Variants in ARMH4 observed in about 807,000 individuals in gnomAD.
ARMH4 encodes the protein armadillo-like helical domain-containing protein 4.
In ARMH4, 49 loss-of-function variants were observed where a neutral mutation model predicts 61.9. That is an observed-to-expected ratio of 0.79 (90% confidence interval 0.63 to 1.00). The LOEUF is 1.00. ARMH4 is among the 50% of genes least tolerant of loss of function. ARMH4 has a pLI of 0.00. For synonymous variants in ARMH4, 368 were observed against 341.5 expected (o/e 1.08, Z -0.85); for missense variants, 934 against 930.0 (o/e 1.00, Z -0.06).
chr14:58,124,862 T>C lies in ARMH4; in HGVS notation c.1831+6650A>G, dbSNP rs1379511906. On this transcript the variant is annotated intron_variant, in intron 4 of 7. Coordinates refer to ENST00000267485, the MANE Select transcript of ARMH4 (RefSeq NM_001001872.4). ...CCTCACTCCAGGAACTAGTGCTCAG[T>C]TGGCAGAACTAATAGCCCTCACTTG... Among the ~76,000 whole-genome samples, 11 of 152,128 alleles carry C rather than the reference T, an allele frequency of 7.2e-5. No homozygotes were observed. In the East Asian group the frequency reaches 1.5e-3, roughly 21 times the overall value.
intron 4 of ARMH4, among the ~76,000 whole-genome samples, chr14:58,126,402 G>C (rs1053267690): frequency 1.1e-4 from 16 of 152,196 alleles, no homozygotes; most frequent in African/African-American, 3.9e-4. Context: ...TAAGGAAAGA[G>C]AGATAACACC....
chr14:58,068,513 T>C (rs1007308852), intron 5 of ARMH4, among the ~76,000 whole-genome samples: 5 of 152,116 alleles, frequency 3.3e-5, no homozygotes, highest in African/African-American at 9.7e-5. Flanking sequence ...ACCAATGCAT[T>C]TGGGGATAAG....
At chr14:58,129,422 T>C (rs1327488344) in intron 4 of ARMH4, among the ~76,000 whole-genome samples, 1 of 152,124 alleles carries the variant, frequency 6.6e-6, no homozygotes, top group Admixed American at 6.6e-5. Context: ...AAAAGGAAGA[T>C]ATTAAAATAA....
intron 5 of ARMH4, among the ~76,000 whole-genome samples, chr14:58,059,079 G>C (rs1387064611): frequency 6.6e-6 from 1 of 152,194 alleles, no homozygotes; most frequent in Non-Finnish European, 1.5e-5. Flanking sequence ...ATCTTTAAAT[G>C]CTGAACCATG....
intron 5 of ARMH4, among the ~76,000 whole-genome samples, chr14:58,013,659 G>C (rs1469335180): frequency 1.3e-5 from 2 of 152,148 alleles, no homozygotes; most frequent in African/African-American, 2.4e-5. Context: ...AAACATGAAA[G>C]TCAGGTCAGA....
intron 5 of ARMH4, among the ~76,000 whole-genome samples, chr14:58,035,916 C>A (rs1335860261): frequency 7.4e-6 from 1 of 134,776 alleles, no homozygotes; most frequent in Non-Finnish European, 1.7e-5. Context: ...CAATAGTTTA[C>A]CAACCAAAAA....
At chr14:58,025,563 A>T (rs1882993600) in intron 5 of ARMH4, among the ~76,000 whole-genome samples, 1 of 152,200 alleles carries the variant, frequency 6.6e-6, no homozygotes, top group African/African-American at 2.4e-5. Context: ...CTACAATGTC[A>T]AGAAATAAAT....
chr14:58,075,217 A>T (rs1443130213), intron 5 of ARMH4, among the ~76,000 whole-genome samples: 1 of 152,190 alleles, frequency 6.6e-6, no homozygotes, highest in African/African-American at 2.4e-5. Context: ...AGGATCTAGA[A>T]CTAGAAATAC....
At chr14:58,107,058 C>T (rs995795521) in intron 4 of ARMH4, among the ~76,000 whole-genome samples, 3 of 152,194 alleles carry the variant, frequency 2.0e-5, no homozygotes, top group Admixed American at 2.0e-4. Context: ...TAATCTGACT[C>T]TGCTACAAAC....
chr14:58,069,006 GAAA>G (rs11352260), intron 5 of ARMH4, among the ~76,000 whole-genome samples: 7 of 118,980 alleles, frequency 5.9e-5, no homozygotes, highest in Admixed American at 8.3e-5. Flanking sequence ...ACTCTGTCTC[GAAA>G]AAAAAAAAAA....
At chr14:58,089,393 G>C (rs1885486495) in intron 5 of ARMH4, among the ~76,000 whole-genome samples, 1 of 152,172 alleles carries the variant, frequency 6.6e-6, no homozygotes, top group Non-Finnish European at 1.5e-5. Flanking sequence ...AAGAAAAAAG[G>C]AGGAAGAGAA....
intron 4 of ARMH4, among the ~76,000 whole-genome samples, chr14:58,122,611 G>C (rs1886763180): frequency 6.6e-6 from 1 of 151,990 alleles, no homozygotes; most frequent in African/African-American, 2.4e-5. Flanking sequence ...GGTGGAACAG[G>C]ACAAACGGTA....
intron 5 of ARMH4, among the ~76,000 whole-genome samples, chr14:58,012,953 C>T (rs17094211): frequency 0.02 from 3,053 of 152,230 alleles, 109 homozygotes; most frequent in African/African-American, 0.07. Flanking sequence ...CCCTAATTAC[C>T]TTTCAAAGTC....
intron 5 of ARMH4, among the ~76,000 whole-genome samples, chr14:58,062,097 G>A (rs1250013105): frequency 2.0e-5 from 3 of 152,158 alleles, no homozygotes; most frequent in Admixed American, 1.3e-4. Context: ...CTAGCACTTT[G>A]GGAGGCCAAG....
rs114888842 is a variant in ARMH4, at chr14:58,138,708, G to A, written c.651C>T (p.Thr217=). ...CAAATTTCTCAGTCTTTGGATTGGTGGTTAGCATTTCCTTAGTATTCACAT... is the reference window on the plus strand; with the variant it reads ...CAAATTTCTCAGTCTTTGGATTGGTAGTTAGCATTTCCTTAGTATTCACAT... ...SSYVNTKEML[T]TNPKTEKFEA... is the part of the protein sequence containing the mutation. Residue 217 remains threonine, a synonymous_variant, in exon 2 of 8, where the codon ACC becomes ACT. Coordinates refer to ENST00000267485, the MANE Select transcript of ARMH4 (RefSeq NM_001001872.4). The A allele has an allele frequency of 1.7e-3, 2,694 of 1,614,084 alleles. 34 individuals carry two copies. In the African/African-American group the frequency reaches 0.032, roughly 19 times the overall value.
chr14:58,132,581 CTTTTTTTTTTT>C (rs71448942), intron 3 of ARMH4, among the ~76,000 whole-genome samples: 4 of 86,072 alleles, frequency 4.6e-5, no homozygotes, highest in Middle Eastern at 0.011. Flanking sequence ...ACCCTTGTCC[CTTTTTTTTTTT>C]TTTTTTTTTT....
At chr14:58,137,660 A>C (rs1343454831) in intron 2 of ARMH4, among the ~76,000 whole-genome samples, 1 of 152,204 alleles carries the variant, frequency 6.6e-6, no homozygotes, top group African/African-American at 2.4e-5. Flanking sequence ...GGCCTCCCAA[A>C]GTGCTGGAAT....
chr14:58,096,724 C>T lies in ARMH4; in HGVS notation c.2089G>A (p.Val697Met), dbSNP rs200281904. ...AAAGGGAAATACACATGACTCTTAC[C>T]CAGGCCTTGATTCTGCTGTTCCCAC... ...LEWEQQNQGL[V>M]RSWMEKLKDK... The change falls in exon 5 of 8, where the codon GTG becomes ATG. Residue 697 changes from valine (V) to methionine (M), a missense_variant and splice_region_variant. Val to Met is a conservative substitution (Grantham distance 21). Transcript: ENST00000267485. 40 of 1,613,418 alleles carry T rather than the reference C, an allele frequency of 2.5e-5. 1 individual carries two copies. In the East Asian group the frequency reaches 8.5e-4, roughly 34 times the overall value.
At chr14:58,142,390 A>G (rs961759220) in intron 1 of ARMH4, among the ~76,000 whole-genome samples, 2 of 152,236 alleles carry the variant, frequency 1.3e-5, no homozygotes, top group East Asian at 1.9e-4. Context: ...TCCTCAGGAC[A>G]TGATCTACAT....
Sources: allele counts gnomAD v4.1 joint callset (sites outside exome capture counted in the v4.1 genomes callset), GRCh38; gene constraint gnomAD v4.1.1; transcripts MANE v1.5; gene names NCBI Gene and HGNC (gene_info 2026-07-23, HGNC 2026-07-21).